Variants in PIK3C2G observed in about 807,000 individuals in gnomAD.
The protein encoded by PIK3C2G is phosphatidylinositol 3-kinase C2 domain-containing subunit gamma.
A neutral mutation model predicts 181.1 loss-of-function variants in PIK3C2G; 168 were observed. The ratio of observed to expected loss-of-function variants is 0.93; its 90% CI spans 0.82 to 1.05. The LOEUF (loss-of-function observed/expected upper bound fraction) is 1.05, where lower values mean the gene tolerates loss of function less well. PIK3C2G is among the 50% of genes least tolerant of loss of function. PIK3C2G has a pLI of 0.00. For synonymous variants in PIK3C2G, 573 were observed against 592.2 expected (o/e 0.97, Z 0.47); for missense variants, 1,869 against 1,732.8 (o/e 1.08, Z -1.40).
the PIK3C2G span, chr12:18,696,342 A>ATATATATATATATATATATATATG: frequency 4.1e-6 from 1 of 246,242 alleles, no homozygotes; most frequent in African/African-American, 2.8e-5. Flanking sequence ...ATATATATAT[A>ATATATATATATATATATATATATG]TATATATATC....
At chr12:18,546,573 G>C in intron 26 of PIK3C2G, 141 bp downstream of exon 26, 1 of 607,836 alleles carries the variant, frequency 1.6e-6, no homozygotes, top group Non-Finnish European at 3.0e-6. Flanking sequence ...CTTTCCCAAA[G>C]AGCAGAAAGG....
At chr12:18,660,420 A>C in the PIK3C2G span, among the ~76,000 whole-genome samples, 1 of 152,094 alleles carries the variant, frequency 6.6e-6, no homozygotes, top group African/African-American at 2.4e-5. Context: ...CTCCAGCTGA[A>C]GTGAGATCCA....
chr12:18,525,556 A>G (rs539030237), intron 24 of PIK3C2G, among the ~76,000 whole-genome samples: 4 of 152,160 alleles, frequency 2.6e-5, no homozygotes, highest in African/African-American at 9.7e-5. Flanking sequence ...ACAATTTCAG[A>G]TACAAGCAGA....
chr12:18,627,483 G>A (rs1208809536), intron 31 of PIK3C2G, among the ~76,000 whole-genome samples: 2 of 152,080 alleles, frequency 1.3e-5, no homozygotes, highest in South Asian at 2.1e-4. Context: ...TGCATTTGTG[G>A]AGGCAGCCAC....
intron 26 of PIK3C2G, among the ~76,000 whole-genome samples, chr12:18,547,406 T>G (rs2136278025): frequency 6.6e-6 from 1 of 152,082 alleles, no homozygotes; most frequent in East Asian, 1.9e-4. Context: ...CTGCCCTTGT[T>G]GTTGAAAAGA....
At chr12:18,603,082 G>C (rs1947821053) in intron 30 of PIK3C2G, among the ~76,000 whole-genome samples, 1 of 152,182 alleles carries the variant, frequency 6.6e-6, no homozygotes, top group Non-Finnish European at 1.5e-5. Flanking sequence ...ATCAGGGAAA[G>C]ACCAGATAAA....
At chr12:18,711,285 CA>C in the PIK3C2G span, among the ~76,000 whole-genome samples, 1 of 145,194 alleles carries the variant, frequency 6.9e-6, no homozygotes, top group Non-Finnish European at 1.5e-5. Flanking sequence ...ATCGCAAGGA[CA>C]AAAAACCAAA....
intron 18 of PIK3C2G, among the ~76,000 whole-genome samples, chr12:18,429,815 T>G (rs1174178742): frequency 1.3e-5 from 2 of 152,214 alleles, no homozygotes; most frequent in Non-Finnish European, 2.9e-5. Flanking sequence ...AAGGCACTGC[T>G]GTGCGCCTCT....
At chr12:18,605,500 G>A (rs992058707) in intron 30 of PIK3C2G, among the ~76,000 whole-genome samples, 1 of 152,128 alleles carries the variant, frequency 6.6e-6, no homozygotes, top group African/African-American at 2.4e-5. Context: ...CCACAAGATA[G>A]AGAAAGAAGG....
At chr12:18,725,686 T>G in the PIK3C2G span, among the ~76,000 whole-genome samples, 4 of 152,238 alleles carry the variant, frequency 2.6e-5, no homozygotes, top group African/African-American at 4.8e-5. Context: ...ATCTTTTTCC[T>G]CCTTCCACCT....
chr12:18,584,176 C>T (rs776919449), intron 29 of PIK3C2G, among the ~76,000 whole-genome samples: 6 of 151,666 alleles, frequency 4.0e-5, no homozygotes, highest in African/African-American at 7.3e-5. Context: ...TACAGGCACC[C>T]GCCACTGTGC....
the PIK3C2G span, chr12:18,696,322 CTATATATATATATATA>C: frequency 2.6e-5 from 7 of 267,848 alleles, no homozygotes; most frequent in African/African-American, 1.2e-4. Flanking sequence ...TAAAAAGCCA[CTATATATATATATATA>C]TATATATATA....
At chr12:18,624,110 C>A (rs1468200998) in intron 31 of PIK3C2G, among the ~76,000 whole-genome samples, 2 of 151,588 alleles carry the variant, frequency 1.3e-5, no homozygotes, top group Admixed American at 1.3e-4. Context: ...TTTTCCTGCT[C>A]TAGATTTTAG....
At chr12:18,394,285 T>C (rs889414735) in intron 15 of PIK3C2G, among the ~76,000 whole-genome samples, 7 of 152,112 alleles carry the variant, frequency 4.6e-5, no homozygotes, top group Non-Finnish European at 8.8e-5. Context: ...CTTCCAGTAA[T>C]TGAACTGTCT....
chr12:18,575,974 G>C (rs1394860882), intron 29 of PIK3C2G, among the ~76,000 whole-genome samples: 3 of 152,140 alleles, frequency 2.0e-5, no homozygotes, highest in African/African-American at 7.2e-5. Context: ...CATCTGAGAA[G>C]TGATTAGCCA....
Position 18,343,557 on chromosome 12 carries a change from A to C in PIK3C2G, c.1429+197A>C, listed in dbSNP as rs550098162. 2.0e-5 allele frequency among the ~76,000 whole-genome samples: 3 copies of C among 152,068 alleles called. No individual in the cohort carries two copies. The South Asian group carries it at 6.2e-4, about 32-fold the overall frequency. On this transcript the variant is annotated intron_variant, in intron 10 of 32. Coordinates refer to ENST00000538779, the MANE Select transcript of PIK3C2G (RefSeq NM_001288772.2). ...TTATTAATGGAAGTGATTATTCTGCAAGGGAATAAAAATCTGCACTCTCTA... is the reference window on the plus strand; with the variant it reads ...TTATTAATGGAAGTGATTATTCTGCCAGGGAATAAAAATCTGCACTCTCTA...
At chr12:18,363,737 C>G (rs1379207653) in intron 12 of PIK3C2G, among the ~76,000 whole-genome samples, 1 of 152,048 alleles carries the variant, frequency 6.6e-6, no homozygotes. Context: ...TTAATAAATA[C>G]GTGTCAGAAT....
At chr12:18,607,668 A>G (rs1948104094) in intron 30 of PIK3C2G, among the ~76,000 whole-genome samples, 1 of 152,088 alleles carries the variant, frequency 6.6e-6, no homozygotes, top group South Asian at 2.1e-4. Flanking sequence ...AACACCAAAA[A>G]CAATGGCAAC....
intron 18 of PIK3C2G, among the ~76,000 whole-genome samples, chr12:18,465,932 C>A (rs192118910): frequency 8.7e-4 from 132 of 151,492 alleles, no homozygotes; most frequent in African/African-American, 3.1e-3. Context: ...TTTTACCTGT[C>A]TTTTTTATTG....
Sources: gnomAD v4.1 joint callset for allele counts (sites outside exome capture counted in the v4.1 genomes callset) on GRCh38, gnomAD v4.1.1 for gene constraint, MANE v1.5 for transcripts, NCBI Gene and HGNC (gene_info 2026-07-23, HGNC 2026-07-21) for gene names.